DNAH12: variants seen among roughly 807,000 people sequenced by gnomAD.
The protein encoded by DNAH12 is axonemal beta dynein heavy chain 12.
DNAH12 carries 285 observed loss-of-function variants against 371.5 expected under a neutral mutation model. The ratio of observed to expected loss-of-function variants is 0.77; its 90% CI spans 0.70 to 0.85. The LOEUF is 0.85. Ranked by LOEUF, DNAH12 falls within the 40% of genes least tolerant of loss-of-function variation. DNAH12 has a pLI of 0.00. For missense variants in DNAH12, 3,611 were observed against 3,689.4 expected, an observed-to-expected ratio of 0.98 and a Z score of 0.55; for synonymous variants, 1,200 against 1,213.0, an observed-to-expected ratio of 0.99 and a Z score of 0.22.
rs1289088914 is a variant in DNAH12, at chr3:57,433,766, G to A, written c.4718C>T (p.Thr1573Met). Residue 1573 changes from threonine (T) to methionine (M), a missense_variant, in exon 31 of 74, where the codon ACG (threonine) becomes ATG (methionine). This residue lies in a region of DNAH12 where 2,266 missense variants were observed against 2,236.9 expected (regional missense o/e 1.01). Transcript: ENST00000495027. ...KTKVLHVLAD[T>M]LTLMNEHGYG... is the part of the protein sequence containing the mutation. ...GCCATGTTCATTCATTAAAGTTAGC[G>A]TATCCGCCAGCACATGCAGAACTTT... 6.4e-6 allele frequency: 10 copies of A among 1,550,972 alleles called. No individual in the cohort carries two copies. Among genetic ancestry groups the A allele is most frequent in the East Asian group, 2.4e-5 (1 of 40,906 alleles).
At chr3:57,362,408 T>G (rs1244119379) in intron 58 of DNAH12, among the ~76,000 whole-genome samples, 3 of 152,222 alleles carry the variant, frequency 2.0e-5, no homozygotes, top group African/African-American at 7.2e-5. Flanking sequence ...GGTCAAATGG[T>G]ATTCCTAGTT....
Position 57,462,815 on chromosome 3 carries a change from G to A in DNAH12, c.2410C>T (p.Gln804Ter). Residue 804 changes from glutamine to a stop codon, truncating the protein, a stop_gained, in exon 18 of 74, where the codon CAG (glutamine) becomes TAG (stop). Transcript: ENST00000495027. LOFTEE classifies it high-confidence loss of function. ...TCATAGCCTACAATTTCTGATATCT[G>A]TTTCCAGTGACGAGCTCTCATTCCT... ...NPGMRARHWK[Q>*]ISEIVGYDLT... 2 of 1,551,474 alleles carry A rather than the reference G, an allele frequency of 1.3e-6. No individual in the cohort carries two copies. The highest frequency in any genetic ancestry group is 2.4e-5 in the East Asian group (1 of 40,904).
intron 4 of DNAH12, among the ~76,000 whole-genome samples, chr3:57,514,260 G>A (rs1276173104): frequency 6.6e-6 from 1 of 151,938 alleles, no homozygotes; most frequent in Non-Finnish European, 1.5e-5. Context: ...TGGACATGGT[G>A]GGGGGAACCT....
chr3:57,437,973 T>G (rs1372757022), intron 29 of DNAH12, among the ~76,000 whole-genome samples: 1 of 152,226 alleles, frequency 6.6e-6, no homozygotes, highest in Admixed American at 6.5e-5. Flanking sequence ...GCAACCTAGC[T>G]ACCTGAAATA....
At position 57,454,842 on chromosome 3, in the gene DNAH12, A is replaced by G; in HGVS notation, c.3389T>C (p.Val1130Ala). 5.2e-6 allele frequency: 8 copies of G among 1,551,348 alleles called. No homozygotes were observed. In the South Asian group the frequency reaches 9.5e-5, roughly 18 times the overall value. Residue 1130 changes from valine to alanine, a missense_variant, in exon 23 of 74, where the codon GTT becomes GCT. Coordinates refer to ENST00000495027, the MANE Select transcript of DNAH12 (RefSeq NM_001366028.2). ...RDWVREWPGQ[V>A]VLCISQMFWT... ...GAACATTTGAGAAATACAAAGTACA[A>G]CTTGGCCAGGCCACTCTCGAACCCA... is the stretch of plus-strand genomic sequence containing the variant.
intron 13 of DNAH12, among the ~76,000 whole-genome samples, chr3:57,477,157 G>A (rs2066560247): frequency 6.6e-6 from 1 of 152,210 alleles, no homozygotes; most frequent in African/African-American, 2.4e-5. Context: ...CAAGGGGTCA[G>A]AGAATTCCCT....
chr3:57,481,596 A>G (rs1274351627), intron 13 of DNAH12, among the ~76,000 whole-genome samples: 1 of 152,216 alleles, frequency 6.6e-6, no homozygotes, highest in Non-Finnish European at 1.5e-5. Context: ...GAACCAAAAA[A>G]GAGCCTGCAT....
In DNAH12 at chr3:57,458,235, T is replaced by A; in HGVS notation, c.2932-15A>T. The A allele has an allele frequency of 6.5e-7, 1 of 1,536,934 alleles. No individual in the cohort carries two copies. The highest frequency in any genetic ancestry group is 2.4e-5 in the East Asian group (1 of 40,832). On this transcript the variant is annotated splice_polypyrimidine_tract_variant and intron_variant, in intron 20 of 73. Transcript: ENST00000495027. ...GCAGCAAGAACCTAAACGAGACACA[T>A]GCATTCAAGTCAGCACTTTTATGCC...
Position 57,465,689 on chromosome 3 carries a change from CA to C in DNAH12, c.2350-2815del, listed in dbSNP as rs554232447. Among the ~76,000 whole-genome samples the C allele has an allele frequency of 4.3e-4, 66 of 151,896 alleles. 1 individual carries two copies. In the South Asian group the frequency reaches 9.8e-3, roughly 22 times the overall value. On this transcript the variant is annotated intron_variant, in intron 17 of 73. Coordinates refer to ENST00000495027, the MANE Select transcript of DNAH12 (RefSeq NM_001366028.2). Reference sequence around the variant, plus strand: ...AGCTATCATAAGCAAGGTCAAAAAGCAAATAATAAATATTCACATCACAGAC... The same window carrying C: ...AGCTATCATAAGCAAGGTCAAAAAGCAATAATAAATATTCACATCACAGAC...
intron 13 of DNAH12, 86 bp from the exon 14 acceptor site, chr3:57,472,757 A>C (rs1174416837): frequency 7.4e-7 from 1 of 1,346,502 alleles, no homozygotes; most frequent in Non-Finnish European, 1.0e-6. Context: ...AATCTCTAAT[A>C]CCCTTTCAGA....
At chr3:57,371,227 G>C (rs2063163258) in intron 55 of DNAH12, among the ~76,000 whole-genome samples, 2 of 152,028 alleles carry the variant, frequency 1.3e-5, no homozygotes, top group Non-Finnish European at 2.9e-5. Flanking sequence ...CACTCCAGTG[G>C]TTCCCCAACT....
At chr3:57,302,633 C>T (rs1250114902) in intron 69 of DNAH12, among the ~76,000 whole-genome samples, 37 of 122,168 alleles carry the variant, frequency 3.0e-4, no homozygotes, top group Non-Finnish European at 5.5e-4. Context: ...TGGAGTGCAG[C>T]GGCATGATCT....
chr3:57,548,507 G>C (rs1316393714), upstream of DNAH12, among the ~76,000 whole-genome samples: 1 of 152,152 alleles, frequency 6.6e-6, no homozygotes, highest in Non-Finnish European at 1.5e-5. Flanking sequence ...CCTGGAGTTT[G>C]AGATCAGACT....
intron 73 of DNAH12, among the ~76,000 whole-genome samples, chr3:57,294,176 C>CT (rs62779960): frequency 0.18 from 22,954 of 128,906 alleles, 2,381 homozygotes; most frequent in African/African-American, 0.24. Context: ...CTTTTCTTTT[C>CT]TTTTTTTTTT....
chr3:57,465,788 G>T (rs1311403695), intron 17 of DNAH12, among the ~76,000 whole-genome samples: 1 of 151,896 alleles, frequency 6.6e-6, no homozygotes, highest in East Asian at 1.9e-4. Flanking sequence ...AGAAAAATAG[G>T]CATAGGTAAG....
At chr3:57,410,309 A>C (rs1294227380) in intron 39 of DNAH12, among the ~76,000 whole-genome samples, 1 of 150,742 alleles carries the variant, frequency 6.6e-6, no homozygotes, top group Admixed American at 6.6e-5. Context: ...AAACTTTTCC[A>C]TTTTTTTTAT....
intron 17 of DNAH12, among the ~76,000 whole-genome samples, chr3:57,467,550 A>G (rs2153379378): frequency 6.6e-6 from 1 of 152,244 alleles, no homozygotes; most frequent in East Asian, 1.9e-4. Flanking sequence ...TTATAACCTC[A>G]CTTCAAAGTT....
At chr3:57,500,001 C>A (rs1338853262) in intron 11 of DNAH12, among the ~76,000 whole-genome samples, 1 of 150,764 alleles carries the variant, frequency 6.6e-6, no homozygotes, top group Non-Finnish European at 1.5e-5. Context: ...AGGTAGGAAT[C>A]TTTTTTCTTT....
intron 25 of DNAH12, among the ~76,000 whole-genome samples, chr3:57,451,018 G>A (rs1197818805): frequency 6.6e-6 from 1 of 152,168 alleles, no homozygotes; most frequent in African/African-American, 2.4e-5. Context: ...GGAATAATTC[G>A]TGCCATTCAT....
Sources: gnomAD v4.1 joint callset for allele counts (sites outside exome capture counted in the v4.1 genomes callset) on GRCh38, gnomAD v4.1.1 for gene constraint, gnomAD v4.1.1 regional missense constraint, MANE v1.5 for transcripts, NCBI Gene and HGNC (gene_info 2026-07-23, HGNC 2026-07-21) for gene names.